LEPROTL1: variants seen among roughly 807,000 people sequenced by gnomAD.
The protein encoded by LEPROTL1 is leptin receptor overlapping transcript like 1.
Under a neutral mutation model 15.4 loss-of-function variants are expected in LEPROTL1, and 6 were observed. The ratio of observed to expected loss-of-function variants is 0.39; its 90% CI spans 0.21 to 0.77. LEPROTL1 has a LOEUF of 0.77. Among genes scored for constraint, LEPROTL1 ranks in the 30% least tolerant of loss-of-function variants. The pLI, the probability that LEPROTL1 is intolerant of heterozygous loss-of-function variation, is 0.41. For missense variants in LEPROTL1, 128 were observed against 158.1 expected (o/e 0.81, Z 1.02); for synonymous variants, 56 against 52.6 (o/e 1.06, Z -0.28).
At position 30,107,637 on chromosome 8, in the gene LEPROTL1, C is replaced by G. The variant is rs1015079257; in HGVS notation, c.*1775C>G. ...GTGGCTGGAGCCTTCCCACTGGAGG[C>G]TGAAAGTGGCTTGTGGTATTATAAT... On this transcript the variant is annotated 3_prime_UTR_variant, in exon 4 of 4. Coordinates refer to ENST00000321250, the MANE Select transcript of LEPROTL1 (RefSeq NM_015344.3). 5.1e-6 allele frequency: 5 copies of G among 985,588 alleles called. No homozygotes were observed. The African/African-American group carries it at 7.0e-5, about 14-fold the overall frequency. 61.1% of individuals were successfully genotyped at this position (985,588 alleles called of 1,614,324 possible). A position where few individuals can be genotyped will look rare whatever the true frequency, so the allele number is the denominator to read the frequency against.
intron 3 of LEPROTL1, among the ~76,000 whole-genome samples, chr8:30,126,128 C>CT (rs1207144594): frequency 2.6e-5 from 4 of 152,186 alleles, no homozygotes; most frequent in African/African-American, 9.7e-5. Context: ...TGCCCATAAT[C>CT]TATCTATAAT....
At chr8:30,118,208 A>G (rs1802774193) in intron 3 of LEPROTL1, among the ~76,000 whole-genome samples, 1 of 151,904 alleles carries the variant, frequency 6.6e-6, no homozygotes, top group African/African-American at 2.4e-5. Context: ...TATTTTTAGT[A>G]GAGACTGGGT....
Position 30,108,429 on chromosome 8 carries a change from CATT to C in LEPROTL1, c.*2573_*2575del, listed in dbSNP as rs913131023. ...TTCTTATTATGTATTTATTACCACT[CATT>C]ATTATAGCATGTTACTTTTTGCAAA... On this transcript the variant is annotated 3_prime_UTR_variant, in exon 4 of 4. Transcript: ENST00000321250. 1.3e-5 allele frequency: 2 copies of C among 152,158 alleles called. No individual in the cohort carries two copies. The highest frequency in any genetic ancestry group is 1.5e-5 in the Non-Finnish European group (1 of 68,020). 9.4% of individuals were successfully genotyped at this position (152,158 alleles called of 1,614,324 possible).
chr8:30,098,528 G>A (rs1439133224), intron 1 of LEPROTL1, among the ~76,000 whole-genome samples: 1 of 152,138 alleles, frequency 6.6e-6, no homozygotes, highest in Non-Finnish European at 1.5e-5. Flanking sequence ...CGTATAAATG[G>A]CTTCTGAATG....
chr8:30,106,959 T>A lies in LEPROTL1; in HGVS notation c.*1097T>A. 1.0e-6 allele frequency: 1 copy of A among 985,706 alleles called. No homozygotes were observed. Among genetic ancestry groups the A allele is most frequent in the Non-Finnish European group, 1.2e-6 (1 of 829,860 alleles). The allele number at this position is 985,706 out of a possible 1,614,324, so 61.1% of individuals were successfully genotyped here. A position where few individuals can be genotyped will look rare whatever the true frequency, so the allele number is the denominator to read the frequency against. ...CGTACATTCAGAGTGCCCCCTCCCCTGCAAGGCCTTGCCATGATTAACAAG... is the reference window on the plus strand; with the variant it reads ...CGTACATTCAGAGTGCCCCCTCCCCAGCAAGGCCTTGCCATGATTAACAAG... On this transcript the variant is annotated 3_prime_UTR_variant, in exon 4 of 4. Coordinates refer to ENST00000321250, the MANE Select transcript of LEPROTL1 (RefSeq NM_015344.3).
chr8:30,096,342 A>G, intron 1 of LEPROTL1: 1 of 985,234 alleles, frequency 1.0e-6, no homozygotes, highest in Non-Finnish European at 1.2e-6. Context: ...ATGAGAAGCA[A>G]AGTTTTCAGC....
chr8:30,125,172 T>C (rs1317369890), intron 3 of LEPROTL1, among the ~76,000 whole-genome samples: 1 of 152,220 alleles, frequency 6.6e-6, no homozygotes, highest in Non-Finnish European at 1.5e-5. Context: ...AAGAACCAAG[T>C]AAGACAAAAA....
At chr8:30,096,895 T>TG (rs1260907389) in intron 1 of LEPROTL1, among the ~76,000 whole-genome samples, 2 of 152,238 alleles carry the variant, frequency 1.3e-5, no homozygotes, top group Non-Finnish European at 2.9e-5. Context: ...GAAGGAGTGT[T>TG]GCTGTAATTA....
At chr8:30,122,191 G>T (rs918222834) in intron 3 of LEPROTL1, among the ~76,000 whole-genome samples, 1 of 151,726 alleles carries the variant, frequency 6.6e-6, no homozygotes, top group Non-Finnish European at 1.5e-5. Context: ...ATTAACTTTA[G>T]GTGTCAAGGT....
rs912212973 is a variant in LEPROTL1 at position 30,102,373 on chromosome 8, G to A, written c.92+400G>A. Among the ~76,000 whole-genome samples, 6 of 152,062 alleles carry A rather than the reference G, an allele frequency of 3.9e-5. No homozygotes were observed. The East Asian group carries it at 5.8e-4, about 15-fold the overall frequency. On this transcript the variant is annotated intron_variant, in intron 2 of 3. Coordinates refer to ENST00000321250, the MANE Select transcript of LEPROTL1 (RefSeq NM_015344.3). The stretch of plus-strand genomic sequence containing the variant: ...AGATGTAAACAATTACTTTCCGGCC[G>A]GGTGCGGTGGCTCACACCTGTAATC...
chr8:30,131,867 T>C, intron 3 of LEPROTL1: 1 of 1,442,446 alleles, frequency 6.9e-7, no homozygotes, highest in Non-Finnish European at 9.2e-7. Context: ...AGTTCAAATG[T>C]ATGCATTATC....
At position 30,106,714 on chromosome 8, in the gene LEPROTL1, C is replaced by A; in HGVS notation, c.*852C>A. The A allele has an allele frequency of 1.0e-6, 1 of 984,922 alleles. No homozygotes were observed. The highest frequency in any genetic ancestry group is 1.2e-6 in the Non-Finnish European group (1 of 829,172). The allele number at this position is 984,922 out of a possible 1,614,324, so 61.0% of individuals were successfully genotyped here. On this transcript the variant is annotated 3_prime_UTR_variant, in exon 4 of 4. Transcript: ENST00000321250. ...TATTTATAAGTGAAATTTGTGATCT[C>A]CTATCAACCTTTCATGTTTTACCCT...
Position 30,105,883 on chromosome 8 carries a change from G to C in LEPROTL1, c.*21G>C. Reference sequence around the variant, plus strand: ...GGTGAAAAGAAATTACTGAACTATTGTCAAATGGACTTCCTGTCATTTGTT... The same window carrying C: ...GGTGAAAAGAAATTACTGAACTATTCTCAAATGGACTTCCTGTCATTTGTT... On this transcript the variant is annotated 3_prime_UTR_variant, in exon 4 of 4. Coordinates refer to ENST00000321250, the MANE Select transcript of LEPROTL1 (RefSeq NM_015344.3). 1 of 1,488,582 alleles carries C rather than the reference G, an allele frequency of 6.7e-7. No individual in the cohort carries two copies. Among genetic ancestry groups the C allele is most frequent in the Non-Finnish European group, 9.0e-7 (1 of 1,116,704 alleles). 92.2% of individuals were successfully genotyped at this position (1,488,582 alleles called of 1,614,324 possible).
At chr8:30,126,378 A>C (rs1761044799) in intron 3 of LEPROTL1, among the ~76,000 whole-genome samples, 1 of 152,164 alleles carries the variant, frequency 6.6e-6, no homozygotes, top group Non-Finnish European at 1.5e-5. Flanking sequence ...ATTAGGCCCC[A>C]TCTCCCAACA....
At chr8:30,135,861 C>G (rs562262616) in intron 4 of LEPROTL1, among the ~76,000 whole-genome samples, 1 of 150,314 alleles carries the variant, frequency 6.7e-6, no homozygotes, top group Admixed American at 6.7e-5. Context: ...CTGCAGTGAG[C>G]CATGAGCATG....
intron 3 of LEPROTL1, among the ~76,000 whole-genome samples, chr8:30,126,585 T>G (rs1433117146): frequency 6.6e-6 from 1 of 152,216 alleles, no homozygotes; most frequent in Non-Finnish European, 1.5e-5. Context: ...AAGGTTGGAT[T>G]GTCTCCTATG....
chr8:30,120,031 A>C (rs1485785745), intron 3 of LEPROTL1, among the ~76,000 whole-genome samples: 1 of 152,184 alleles, frequency 6.6e-6, no homozygotes, highest in Non-Finnish European at 1.5e-5. Context: ...ATGCCACTGC[A>C]CTCCAGACTG....
rs79953421 is a variant in LEPROTL1 at position 30,119,309 on chromosome 8, A to T, written c.280-13066A>T. On this transcript the variant is annotated intron_variant, in intron 3 of 4. Transcript: ENST00000442880. ...AGGGCAAAGCAGTTGTTCAGGGTAC[A>T]GGTCAAAATGGAGTTTCTTATGTCT... 6.3e-3 allele frequency among the ~76,000 whole-genome samples: 961 copies of T among 152,300 alleles called. 8 individuals carry two copies. Among genetic ancestry groups the T allele is most frequent in the African/African-American group, 0.022 (914 of 41,548 alleles).
At chr8:30,122,755 A>G (rs1369888894) in intron 3 of LEPROTL1, among the ~76,000 whole-genome samples, 1 of 152,206 alleles carries the variant, frequency 6.6e-6, no homozygotes, top group Non-Finnish European at 1.5e-5. Context: ...AGATCGCGCC[A>G]CTGCACTGCA....
Sources: gnomAD v4.1 joint callset for allele counts (sites outside exome capture counted in the v4.1 genomes callset) on GRCh38, gnomAD v4.1.1 for gene constraint, MANE v1.5 for transcripts, NCBI Gene and HGNC (gene_info 2026-07-23, HGNC 2026-07-21) for gene names.